Variants in CPNE4 observed in about 807,000 individuals in gnomAD.
The protein encoded by CPNE4 is copine 4, also known as copine-4.
A neutral mutation model predicts 67.9 loss-of-function variants in CPNE4; 25 were observed. That is an observed-to-expected ratio of 0.37 (90% CI 0.27 to 0.51). The LOEUF (loss-of-function observed/expected upper bound fraction) is 0.51, where lower values mean the gene tolerates loss of function less well. Ranked by LOEUF, CPNE4 falls within the 20% of genes least tolerant of loss-of-function variation. The pLI is 0.93. For missense variants in CPNE4, 464 were observed against 690.8 expected, an observed-to-expected ratio of 0.67 and a Z score of 3.68; for synonymous variants, 242 against 244.9, an observed-to-expected ratio of 0.99 and a Z score of 0.11.
intron 7 of CPNE4, among the ~76,000 whole-genome samples, chr3:131,664,222 G>A (rs1030984633): frequency 6.6e-6 from 1 of 152,120 alleles, no homozygotes; most frequent in Non-Finnish European, 1.5e-5. Flanking sequence ...GCATAATTGG[G>A]TTATGAATAA....
intron 2 of CPNE4, among the ~76,000 whole-genome samples, chr3:131,809,297 A>G (rs1449404949): frequency 6.6e-6 from 1 of 152,128 alleles, no homozygotes; most frequent in Non-Finnish European, 1.5e-5. Flanking sequence ...AAACCAAGAC[A>G]TGCAGGTGAC....
intron 15 of CPNE4, among the ~76,000 whole-genome samples, chr3:131,538,223 G>T (rs1935276382): frequency 6.6e-6 from 1 of 152,224 alleles, no homozygotes; most frequent in African/African-American, 2.4e-5. Context: ...AGTATGGGAG[G>T]TCTTAGTCTC....
At chr3:131,797,842 C>T (rs1357292009) in intron 2 of CPNE4, among the ~76,000 whole-genome samples, 1 of 152,148 alleles carries the variant, frequency 6.6e-6, no homozygotes, top group Non-Finnish European at 1.5e-5. Context: ...AAAATTACCC[C>T]ATGCATTACT....
chr3:132,005,342 TACACACAC>T (rs71639016), intron 1 of CPNE4, among the ~76,000 whole-genome samples: 6,599 of 82,736 alleles, frequency 0.08, 327 homozygotes, highest in Non-Finnish European at 0.097. Context: ...TATATATATA[TACACACAC>T]ACACACACAC....
chr3:131,708,486 C>A (rs2107716619), intron 3 of CPNE4, among the ~76,000 whole-genome samples: 1 of 152,188 alleles, frequency 6.6e-6, no homozygotes. Flanking sequence ...AGGGCAGGAG[C>A]TGATGGAGGA....
chr3:131,537,691 C>A (rs1353861181), intron 15 of CPNE4: 5 of 201,740 alleles, frequency 2.5e-5, no homozygotes, highest in Non-Finnish European at 5.2e-5. Flanking sequence ...ACACAGTTGG[C>A]CCTATGTCCC....
At chr3:131,789,152 T>C (rs2107874347) in intron 2 of CPNE4, among the ~76,000 whole-genome samples, 1 of 152,192 alleles carries the variant, frequency 6.6e-6, no homozygotes, top group East Asian at 1.9e-4. Flanking sequence ...TCATCCTACA[T>C]CCTTTCACTT....
intron 2 of CPNE4, among the ~76,000 whole-genome samples, chr3:131,866,091 T>C (rs2086938616): frequency 6.6e-6 from 1 of 152,244 alleles, no homozygotes; most frequent in South Asian, 2.1e-4. Flanking sequence ...CTGAAGATTG[T>C]CTGCTGAGAA....
intron 3 of CPNE4, among the ~76,000 whole-genome samples, chr3:131,706,485 C>T (rs957533937): frequency 6.6e-6 from 1 of 152,072 alleles, no homozygotes; most frequent in African/African-American, 2.4e-5. Flanking sequence ...AATCGTAAAC[C>T]GAAATTAAAA....
intron 7 of CPNE4, among the ~76,000 whole-genome samples, chr3:131,597,727 C>A (rs1462870051): frequency 1.3e-5 from 2 of 152,210 alleles, no homozygotes; most frequent in African/African-American, 4.8e-5. Flanking sequence ...TGTCAAATTT[C>A]TCCTGGCTCC....
At chr3:131,976,183 G>C (rs567333470) in intron 1 of CPNE4, among the ~76,000 whole-genome samples, 1 of 151,150 alleles carries the variant, frequency 6.6e-6, no homozygotes, top group South Asian at 2.1e-4. Context: ...GGTCACAGTG[G>C]TATTAATGAT....
chr3:131,618,743 G>A (rs1429980729), intron 7 of CPNE4, among the ~76,000 whole-genome samples: 1 of 152,182 alleles, frequency 6.6e-6, no homozygotes. Flanking sequence ...TCAAAGCCAT[G>A]TGTGTTCATA....
In CPNE4 at chr3:132,034,914, T is replaced by A. The variant is rs138241405; in HGVS notation, c.-349A>T. On this transcript the variant is annotated 5_prime_UTR_variant, in exon 1 of 16. Transcript: ENST00000429747. ...CTGAGAAAAGAGGGAGGGAGTGGAG[T>A]GGAGCGAGGGAGGAAGGAAAGGAGG... 812 of 981,690 alleles carry A rather than the reference T, an allele frequency of 8.3e-4. 5 individuals carry two copies. The African/African-American group carries it at 0.014, about 17-fold the overall frequency. The allele number at this position is 981,690 out of a possible 1,614,324, so 60.8% of individuals were successfully genotyped here. A position where few individuals can be genotyped will look rare whatever the true frequency, so the allele number is the denominator to read the frequency against.
At chr3:131,798,045 C>A (rs188626180) in intron 2 of CPNE4, among the ~76,000 whole-genome samples, 1 of 152,296 alleles carries the variant, frequency 6.6e-6, no homozygotes, top group East Asian at 1.9e-4. Context: ...GTGGCTCTTT[C>A]TTTCTTATAA....
In CPNE4 at chr3:131,844,793, C is replaced by T. The variant is rs569781760; in HGVS notation, c.180+60471G>A. ...CATTTTTAATTTTTAAATTGTAGAA[C>T]CTATATACATAGCCACATTGCATCT... On this transcript the variant is annotated intron_variant, in intron 2 of 15. Transcript: ENST00000429747. Among the ~76,000 whole-genome samples the T allele has an allele frequency of 1.1e-3, 164 of 152,268 alleles. 1 individual carries two copies. The highest frequency in any genetic ancestry group is 3.4e-3 in the Middle Eastern group (1 of 294).
chr3:131,708,735 G>C (rs2081477425), intron 3 of CPNE4, among the ~76,000 whole-genome samples: 1 of 151,192 alleles, frequency 6.6e-6, no homozygotes. Flanking sequence ...CTGTATCCTT[G>C]TTTTTGTGGT....
At chr3:131,913,144 G>T (rs978744698) in intron 1 of CPNE4, among the ~76,000 whole-genome samples, 3 of 152,078 alleles carry the variant, frequency 2.0e-5, no homozygotes, top group Non-Finnish European at 4.4e-5. Flanking sequence ...ACTCCATCAG[G>T]AATGTCAGGC....
At chr3:131,537,691 C>G (rs1353861181) in intron 15 of CPNE4, 1 of 201,738 alleles carries the variant, frequency 5.0e-6, no homozygotes, top group Non-Finnish European at 1.0e-5. Context: ...ACACAGTTGG[C>G]CCTATGTCCC....
intron 7 of CPNE4, among the ~76,000 whole-genome samples, chr3:131,597,368 G>T (rs1194587086): frequency 3.3e-5 from 5 of 152,148 alleles, no homozygotes; most frequent in Admixed American, 3.3e-4. Flanking sequence ...GTAGATGATG[G>T]GTTGATGGGT....
Sources: allele counts gnomAD v4.1 joint callset (sites outside exome capture counted in the v4.1 genomes callset), GRCh38; gene constraint gnomAD v4.1.1; transcripts MANE v1.5; gene names NCBI Gene and HGNC (gene_info 2026-07-23, HGNC 2026-07-21).